PLOD1: variants seen among roughly 807,000 people sequenced by gnomAD.
The protein encoded by PLOD1 is procollagen-lysine,2-oxoglutarate 5-dioxygenase 1.
Under a neutral mutation model 94.7 loss-of-function variants are expected in PLOD1, and 70 were observed. The ratio of observed to expected loss-of-function variants is 0.74; its 90% CI spans 0.61 to 0.90. The LOEUF (loss-of-function observed/expected upper bound fraction) is 0.90, where lower values mean the gene tolerates loss of function less well. Ranked by LOEUF, PLOD1 falls within the 40% of genes least tolerant of loss-of-function variation. The pLI is 0.00. For missense variants in PLOD1, 905 were observed against 972.7 expected, an observed-to-expected ratio of 0.93 and a Z score of 0.93; for synonymous variants, 417 against 400.2, an observed-to-expected ratio of 1.04 and a Z score of -0.50.
In PLOD1 at chr1:11,947,876, C is replaced by G. The variant is rs1369366442; in HGVS notation, c.77-100C>G. 15 of 803,496 alleles carry G rather than the reference C, an allele frequency of 1.9e-5. No individual in the cohort carries two copies. The East Asian group carries it at 3.7e-4, about 20-fold the overall frequency. 49.8% of individuals were successfully genotyped at this position (803,496 alleles called of 1,614,324 possible). On this transcript the variant is annotated intron_variant, in intron 1 of 18. Coordinates refer to ENST00000196061, the MANE Select transcript of PLOD1 (RefSeq NM_000302.4). The stretch of plus-strand genomic sequence containing the variant: ...TCTGTAATGGGTTGACATGAAGACA[C>G]TTCCTGCCAGAATTTGACAGGTCAC...
At chr1:11,939,255 C>G (rs1645599763) in intron 1 of PLOD1, among the ~76,000 whole-genome samples, 1 of 152,052 alleles carries the variant, frequency 6.6e-6, no homozygotes, top group South Asian at 2.1e-4. Context: ...AAGTGGGCAG[C>G]TGGCCCCGGG....
At chr1:11,966,190 T>C (rs368600872) in intron 14 of PLOD1, 61 bp from the exon 15 acceptor site, 1 of 1,271,520 alleles carries the variant, frequency 7.9e-7, no homozygotes, top group Non-Finnish European at 1.1e-6. Context: ...GGGTCTGCTC[T>C]GAGCATCCCT....
intron 1 of PLOD1, among the ~76,000 whole-genome samples, chr1:11,944,155 C>T (rs760374096): frequency 6.6e-6 from 1 of 152,096 alleles, no homozygotes; most frequent in African/African-American, 2.4e-5. Context: ...ATCGCTTGAA[C>T]CCAGGAGATA....
intron 5 of PLOD1, chr1:11,954,239 G>A: frequency 3.8e-6 from 1 of 260,422 alleles, no homozygotes; most frequent in Non-Finnish European, 7.6e-6. Context: ...GGAGGCGGGG[G>A]GCGGGGGCGG....
Position 11,964,715 on chromosome 1 carries a change from A to G in PLOD1, c.1400A>G (p.Gln467Arg). 6.2e-7 allele frequency: 1 copy of G among 1,613,472 alleles called. No individual in the cohort carries two copies. The highest frequency in any genetic ancestry group is 8.5e-7 in the Non-Finnish European group (1 of 1,179,786). The change falls in exon 13 of 19, where the codon CAG becomes CGG. Residue 467 changes from glutamine to arginine, a missense_variant. Transcript: ENST00000196061. ...GGCAGTGCCCTGCGGGGTGAGCTGC[A>G]GTCCTCAGATCTCTTCCACCACAGC... is the stretch of plus-strand genomic sequence containing the variant. ...IKGSALRGELQSSDLFHHSKL... is the reference protein window; with the variant it reads ...IKGSALRGELRSSDLFHHSKL...
In PLOD1 at chr1:11,967,068, C is replaced by T; in HGVS notation, c.1732C>T (p.Gln578Ter). 1 of 1,612,966 alleles carries T rather than the reference C, an allele frequency of 6.2e-7. No homozygotes were observed. The highest frequency in any genetic ancestry group is 8.5e-7 in the Non-Finnish European group (1 of 1,178,920). ...ELVEEMEHFG[Q>*]WSLGNNKDNR... is the part of the protein sequence containing the mutation. ...GGTGGAGGAGATGGAGCACTTTGGCCAGTGGTCTCTGGGCAACAACAAGGT... is the reference window on the plus strand; with the variant it reads ...GGTGGAGGAGATGGAGCACTTTGGCTAGTGGTCTCTGGGCAACAACAAGGT... The change falls in exon 16 of 19, where the codon CAG (glutamine) becomes TAG (stop). Residue 578 changes from glutamine to a stop codon, truncating the protein, a stop_gained. Transcript: ENST00000196061. LOFTEE classifies it high-confidence loss of function.
At chr1:11,949,254 A>G (rs981732832) in intron 2 of PLOD1, among the ~76,000 whole-genome samples, 2 of 152,074 alleles carry the variant, frequency 1.3e-5, no homozygotes, top group African/African-American at 4.8e-5. Context: ...CTGGGGTCAC[A>G]TGCTCAAATC....
At chr1:11,960,870 T>C in intron 10 of PLOD1, 103 bp downstream of exon 10, 1 of 1,546,456 alleles carries the variant, frequency 6.5e-7, no homozygotes. Flanking sequence ...GAAGGCTGTG[T>C]GTGCTCTAGC....
chr1:11,974,557 G>A, intron 18 of PLOD1, 96 bp from the exon 19 acceptor site: 1 of 1,245,164 alleles, frequency 8.0e-7, no homozygotes. Context: ...GGCAGGCAGT[G>A]CTGAGGGCCA....
chr1:11,949,651 C>T (rs1569686135), intron 2 of PLOD1, 122 bp from the exon 3 acceptor site: 1 of 941,098 alleles, frequency 1.1e-6, no homozygotes, highest in Non-Finnish European at 1.7e-6. Flanking sequence ...AATTCCTGAC[C>T]TCAGGTGGTC....
intron 16 of PLOD1, 88 bp downstream of exon 16, chr1:11,967,179 C>A: frequency 1.2e-6 from 1 of 842,128 alleles, no homozygotes; most frequent in Non-Finnish European, 2.1e-6. Flanking sequence ...GGCAAGCTGG[C>A]CTGGCCACCC....
At chr1:11,935,254 T>C (rs1366584751) in intron 1 of PLOD1, among the ~76,000 whole-genome samples, 1 of 152,156 alleles carries the variant, frequency 6.6e-6, no homozygotes, top group Non-Finnish European at 1.5e-5. Flanking sequence ...GTTCATTCAC[T>C]TGCCCAAGAT....
At chr1:11,946,418 A>C (rs1345694435) in intron 1 of PLOD1, among the ~76,000 whole-genome samples, 3 of 152,228 alleles carry the variant, frequency 2.0e-5, no homozygotes, top group Non-Finnish European at 2.9e-5. Flanking sequence ...GCAGTGGACC[A>C]GTAGATTTCA....
chr1:11,956,753 A>G lies in PLOD1; in HGVS notation c.644-164A>G, dbSNP rs965196973. 2.0e-5 allele frequency among the ~76,000 whole-genome samples: 3 copies of G among 152,036 alleles called. No individual in the cohort carries two copies. In the East Asian group the frequency reaches 5.8e-4, roughly 29 times the overall value. On this transcript the variant is annotated intron_variant, in intron 6 of 18. Transcript: ENST00000196061. ...CTCCCCCTCACCCCATGAAGAAGGG[A>G]TTATTCCTATTTTATAGATGAGGAA...
At chr1:11,952,325 C>T (rs1023704678) in intron 4 of PLOD1, among the ~76,000 whole-genome samples, 1 of 152,352 alleles carries the variant, frequency 6.6e-6, no homozygotes, top group East Asian at 1.9e-4. Context: ...AGGGGCTCCT[C>T]GTACAATCCG....
At chr1:11,967,454 G>A (rs1645826646) in intron 16 of PLOD1, among the ~76,000 whole-genome samples, 1 of 151,244 alleles carries the variant, frequency 6.6e-6, no homozygotes, top group African/African-American at 2.4e-5. Flanking sequence ...AGGGCTGTCG[G>A]GTCCAAGTTC....
chr1:11,940,215 G>T (rs912730339), intron 1 of PLOD1, among the ~76,000 whole-genome samples: 2 of 152,158 alleles, frequency 1.3e-5, no homozygotes, highest in African/African-American at 4.8e-5. Context: ...TAGAGACAGG[G>T]TCTCACTTTG....
intron 10 of PLOD1, among the ~76,000 whole-genome samples, chr1:11,961,867 C>T (rs972899400): frequency 1.3e-5 from 2 of 152,220 alleles, no homozygotes; most frequent in Admixed American, 1.3e-4. Flanking sequence ...CGGCTCACTG[C>T]AACCTCCCCG....
intron 1 of PLOD1, among the ~76,000 whole-genome samples, chr1:11,943,949 T>C (rs1645631992): frequency 6.6e-6 from 1 of 151,978 alleles, no homozygotes; most frequent in Non-Finnish European, 1.5e-5. Context: ...TGGAACAGCA[T>C]TGGCTGGGCA....
Sources: allele counts gnomAD v4.1 joint callset (sites outside exome capture counted in the v4.1 genomes callset), GRCh38; gene constraint gnomAD v4.1.1; transcripts MANE v1.5; gene names NCBI Gene and HGNC (gene_info 2026-07-23, HGNC 2026-07-21).